Variants in KLB observed in about 807,000 individuals in gnomAD.
KLB encodes beta-klotho.
Under a neutral mutation model 88.4 loss-of-function variants are expected in KLB, and 44 were observed. That is an observed-to-expected ratio of 0.50 (90% CI 0.39 to 0.64). The LOEUF (loss-of-function observed/expected upper bound fraction) is 0.64. Ranked by LOEUF, KLB falls within the 30% of genes least tolerant of loss-of-function variation. The probability of loss-of-function intolerance (pLI) is 0.00; values close to 1 mark genes in which losing one functional copy is unlikely to be tolerated. For synonymous variants in KLB, 548 were observed against 513.4 expected, an observed-to-expected ratio of 1.07 and a Z score of -0.91; for missense variants, 1,137 against 1,304.8, an observed-to-expected ratio of 0.87 and a Z score of 1.98.
intron 4 of KLB, among the ~76,000 whole-genome samples, chr4:39,447,737 T>A (rs1018941203): frequency 6.6e-6 from 1 of 152,216 alleles, no homozygotes; most frequent in Non-Finnish European, 1.5e-5. Flanking sequence ...CTCCCCAGGA[T>A]AAACAGTCAC....
intron 2 of KLB, 117 bp from the exon 3 acceptor site, chr4:39,437,610 A>G: frequency 8.2e-7 from 1 of 1,226,836 alleles, no homozygotes; most frequent in Non-Finnish European, 1.1e-6. Flanking sequence ...GCAGACCTGA[A>G]AATTAGGGCA....
intron 1 of KLB, among the ~76,000 whole-genome samples, chr4:39,426,827 A>G (rs116466823): frequency 0.064 from 9,661 of 152,056 alleles, 367 homozygotes; most frequent in East Asian, 0.099. Flanking sequence ...AGCTGGGACT[A>G]CAGGCATGCC....
intron 1 of KLB, among the ~76,000 whole-genome samples, chr4:39,409,058 A>G (rs1440251889): frequency 6.6e-6 from 1 of 151,712 alleles, no homozygotes; most frequent in African/African-American, 2.4e-5. Flanking sequence ...ACACATGTGC[A>G]TTGTACTATG....
chr4:39,433,368 CAAT>C (rs1210640118), intron 1 of KLB, among the ~76,000 whole-genome samples: 2 of 152,148 alleles, frequency 1.3e-5, no homozygotes, highest in Admixed American at 1.3e-4. Flanking sequence ...ATAATCATAG[CAAT>C]AATAGCTAAG....
At chr4:39,423,805 G>A (rs1743138123) in intron 1 of KLB, among the ~76,000 whole-genome samples, 1 of 151,696 alleles carries the variant, frequency 6.6e-6, no homozygotes, top group South Asian at 2.1e-4. Flanking sequence ...GAGCCACACT[G>A]CACGAGCCTG....
At chr4:39,441,760 C>G (rs1560652464) in intron 3 of KLB, 1 of 115,436 alleles carries the variant, frequency 8.7e-6, no homozygotes, top group South Asian at 2.8e-4. Context: ...TTTGGCTAGC[C>G]CAAACATAAA....
Sources: allele counts gnomAD v4.1 joint callset (sites outside exome capture counted in the v4.1 genomes callset), GRCh38; gene constraint gnomAD v4.1.1; transcripts MANE v1.5; gene names NCBI Gene and HGNC (gene_info 2026-07-23, HGNC 2026-07-21).